Variants in MCC observed in about 807,000 individuals in gnomAD.
The protein encoded by MCC is MCC regulator of Wnt signaling pathway, also known as colorectal mutant cancer protein.
A neutral mutation model predicts 116.2 loss-of-function variants in MCC; 90 were observed. The observed-to-expected ratio is 0.77, with a 90% CI of 0.65 to 0.92. The LOEUF is 0.92. Ranked by LOEUF, MCC falls within the 40% of genes least tolerant of loss-of-function variation. MCC has a pLI of 0.00. For synonymous variants in MCC, 578 were observed against 510.5 expected, an observed-to-expected ratio of 1.13 and a Z score of -1.78; for missense variants, 1,516 against 1,312.2, an observed-to-expected ratio of 1.16 and a Z score of -2.40.
intron 1 of MCC, among the ~76,000 whole-genome samples, chr5:113,424,794 A>G (rs2150408557): frequency 6.6e-6 from 1 of 152,238 alleles, no homozygotes; most frequent in Admixed American, 6.5e-5. Flanking sequence ...AATTAAAAGC[A>G]GAAACTGAAA....
At chr5:113,377,493 T>C (rs1769016870) in intron 2 of MCC, among the ~76,000 whole-genome samples, 1 of 151,826 alleles carries the variant, frequency 6.6e-6, no homozygotes, top group African/African-American at 2.4e-5. Flanking sequence ...AGCAAAAATA[T>C]TAGGAAGCCA....
rs563229664 is a variant in MCC at position 113,029,131 on chromosome 5, T to A, written c.2757-75A>T. The A allele has an allele frequency of 7.6e-6, 11 of 1,456,396 alleles. No homozygotes were observed. The East Asian group carries it at 1.9e-4, about 25-fold the overall frequency. The allele number at this position is 1,456,396 out of a possible 1,614,324, so 90.2% of individuals were successfully genotyped here. A position where few individuals can be genotyped will look rare whatever the true frequency, so the allele number is the denominator to read the frequency against. On this transcript the variant is annotated intron_variant, in intron 17 of 18. Coordinates refer to ENST00000408903, the MANE Select transcript of MCC (RefSeq NM_001085377.2). ...GAGGTGCCCACTCCCTGGGAAGTGG[T>A]GACAGAAAGAGGAAGGTTTAGCTTG...
intron 1 of MCC, among the ~76,000 whole-genome samples, chr5:113,415,437 C>T (rs1338824995): frequency 1.3e-5 from 2 of 152,158 alleles, no homozygotes; most frequent in African/African-American, 2.4e-5. Flanking sequence ...TTCACATAGT[C>T]CCGTATTTCT....
At chr5:113,131,288 T>C (rs1758413320) in intron 5 of MCC, among the ~76,000 whole-genome samples, 1 of 152,174 alleles carries the variant, frequency 6.6e-6, no homozygotes, top group Admixed American at 6.5e-5. Flanking sequence ...GCTACTGATA[T>C]ATTTTTCCAT....
At chr5:113,348,684 G>A (rs1768191607) in intron 2 of MCC, among the ~76,000 whole-genome samples, 1 of 151,692 alleles carries the variant, frequency 6.6e-6, no homozygotes, top group Non-Finnish European at 1.5e-5. Flanking sequence ...CCCAAAATTA[G>A]TAGGAAAAAA....
intron 8 of MCC, among the ~76,000 whole-genome samples, chr5:113,085,897 C>A (rs1352404066): frequency 6.6e-6 from 1 of 152,130 alleles, no homozygotes; most frequent in Non-Finnish European, 1.5e-5. Context: ...GCTATGTTGC[C>A]AGGGCTCGTC....
At chr5:113,358,897 C>T (rs1057220714) in intron 2 of MCC, among the ~76,000 whole-genome samples, 1 of 152,164 alleles carries the variant, frequency 6.6e-6, no homozygotes, top group Non-Finnish European at 1.5e-5. Context: ...CCCATGAGGG[C>T]CCCTAGCATC....
intron 3 of MCC, among the ~76,000 whole-genome samples, chr5:113,218,528 C>T (rs1763415183): frequency 6.6e-6 from 1 of 152,114 alleles, no homozygotes; most frequent in African/African-American, 2.4e-5. Context: ...ACTACAAATC[C>T]CACAAGTGCA....
intron 7 of MCC, among the ~76,000 whole-genome samples, chr5:113,102,845 A>T: frequency 6.6e-6 from 1 of 152,358 alleles, no homozygotes; most frequent in South Asian, 2.1e-4. Flanking sequence ...GGCCGGGTGC[A>T]GTGGCTCACG....
At chr5:113,207,403 C>T (rs1374831541) in intron 3 of MCC, among the ~76,000 whole-genome samples, 1 of 128,276 alleles carries the variant, frequency 7.8e-6, no homozygotes, top group Non-Finnish European at 1.5e-5. Flanking sequence ...GACAGAGACA[C>T]ATGAAGGCTA....
rs555001295 is a variant in MCC, at chr5:113,111,793, G to A, written c.1028-7438C>T. Reference sequence around the variant, plus strand: ...CTATACTTTGGAAATCTGGAAAGGAGGTAAGAGGACATTCATGGCTGTGAA... The same window carrying A: ...CTATACTTTGGAAATCTGGAAAGGAAGTAAGAGGACATTCATGGCTGTGAA... On this transcript the variant is annotated intron_variant, in intron 6 of 18. Coordinates refer to ENST00000408903, the MANE Select transcript of MCC (RefSeq NM_001085377.2). Among the ~76,000 whole-genome samples the A allele has an allele frequency of 4.5e-4, 68 of 152,284 alleles. No individual in the cohort carries two copies. The South Asian group carries it at 0.014, about 31-fold the overall frequency.
chr5:113,140,388 C>T (rs1358737239), intron 5 of MCC, among the ~76,000 whole-genome samples: 1 of 152,170 alleles, frequency 6.6e-6, no homozygotes, highest in Non-Finnish European at 1.5e-5. Flanking sequence ...TTTGAATCTA[C>T]CCAAATGTCC....
At chr5:113,327,561 A>AATATATAT (rs869214073) in intron 3 of MCC, among the ~76,000 whole-genome samples, 19 of 80,560 alleles carry the variant, frequency 2.4e-4, no homozygotes, top group African/African-American at 6.0e-4. Flanking sequence ...AAAAAAAAAA[A>AATATATAT]ATATATATAT....
intron 17 of MCC, among the ~76,000 whole-genome samples, chr5:113,036,079 G>A (rs1286846825): frequency 8.1e-6 from 1 of 122,728 alleles, no homozygotes; most frequent in Non-Finnish European, 1.6e-5. Context: ...TCTTTCGCCC[G>A]GTCTGAAGTG....
intron 1 of MCC, among the ~76,000 whole-genome samples, chr5:113,386,699 C>T (rs560423680): frequency 2.0e-5 from 3 of 150,858 alleles, no homozygotes; most frequent in African/African-American, 4.9e-5. Context: ...AATTTTTACA[C>T]ATAGCTACAT....
intron 3 of MCC, among the ~76,000 whole-genome samples, chr5:113,171,942 T>A (rs771826658): frequency 2.6e-5 from 4 of 152,142 alleles, no homozygotes; most frequent in Admixed American, 1.3e-4. Flanking sequence ...TAGCAAACCA[T>A]CAGTGCCATG....
intron 11 of MCC, among the ~76,000 whole-genome samples, chr5:113,080,107 C>T (rs1041609536): frequency 6.6e-6 from 1 of 152,176 alleles, no homozygotes; most frequent in Non-Finnish European, 1.5e-5. Flanking sequence ...AATGAGATAC[C>T]ATCTCACACC....
At chr5:113,058,949 C>T (rs1276717075) in intron 14 of MCC, among the ~76,000 whole-genome samples, 1 of 152,162 alleles carries the variant, frequency 6.6e-6, no homozygotes. Context: ...ATCCAGAATC[C>T]CTCCATCCCA....
intron 8 of MCC, among the ~76,000 whole-genome samples, chr5:113,095,762 G>A (rs1011494152): frequency 1.3e-5 from 2 of 152,152 alleles, no homozygotes; most frequent in Non-Finnish European, 2.9e-5. Context: ...TAGGCTTTGA[G>A]TAAGTCCCGC....
Sources: gnomAD v4.1 joint callset for allele counts (sites outside exome capture counted in the v4.1 genomes callset) on GRCh38, gnomAD v4.1.1 for gene constraint, MANE v1.5 for transcripts, NCBI Gene and HGNC (gene_info 2026-07-23, HGNC 2026-07-21) for gene names.